Variants in OSBPL10 observed in about 807,000 individuals in gnomAD.
The protein encoded by OSBPL10 is oxysterol-binding protein-related protein 10.
In OSBPL10, 49 loss-of-function variants were observed where a neutral mutation model predicts 81.7. The ratio of observed to expected loss-of-function variants is 0.60; its 90% CI spans 0.48 to 0.76. The LOEUF is 0.76. Among genes scored for constraint, OSBPL10 ranks in the 30% least tolerant of loss-of-function variants. OSBPL10 has a pLI of 0.00. For missense variants in OSBPL10, 923 were observed against 987.8 expected, an observed-to-expected ratio of 0.93 and a Z score of 0.88; for synonymous variants, 419 against 383.6, an observed-to-expected ratio of 1.09 and a Z score of -1.08.
chr3:31,983,333 AGAG>A (rs1357432648), upstream of OSBPL10, among the ~76,000 whole-genome samples: 1 of 152,242 alleles, frequency 6.6e-6, no homozygotes, highest in Non-Finnish European at 1.5e-5. Context: ...TCCTGCTAAA[AGAG>A]GAGAAGTGTC....
chr3:32,043,944 AACTACCTATTGGGTACTATGCTC>A (rs1699599070), intron 2 of OSBPL10, among the ~76,000 whole-genome samples: 3 of 152,104 alleles, frequency 2.0e-5, no homozygotes, highest in African/African-American at 4.8e-5. Flanking sequence ...AGGGCTGAAA[AACTACCTATTGGGTACTATGCTC>A]ACTACCTATT....
intron 1 of OSBPL10, among the ~76,000 whole-genome samples, chr3:31,927,980 C>A (rs141709817): frequency 1.3e-5 from 2 of 151,826 alleles, no homozygotes; most frequent in Non-Finnish European, 2.9e-5. Flanking sequence ...AAAAAAGGCC[C>A]GAAAAGGATA....
chr3:31,791,671 T>C (rs1186662060), intron 4 of OSBPL10, among the ~76,000 whole-genome samples: 1 of 152,044 alleles, frequency 6.6e-6, no homozygotes, highest in Non-Finnish European at 1.5e-5. Flanking sequence ...AAAGCTTTAC[T>C]AAGCTGTGTA....
rs140940221 is a variant in OSBPL10 at position 31,953,334 on chromosome 3, G to T, written c.281+27565C>A. ...AGAGCCTTGCTGTGTCCAACACTCA[G>T]TTGCCACACATTATATTATTTAATA... On this transcript the variant is annotated intron_variant, in intron 1 of 11. Coordinates refer to ENST00000396556, the MANE Select transcript of OSBPL10 (RefSeq NM_017784.5). Among the ~76,000 whole-genome samples, 299 of 152,150 alleles carry T rather than the reference G, an allele frequency of 2.0e-3. 6 individuals are homozygous for T. Among genetic ancestry groups the T allele is most frequent in the African/African-American group, 6.7e-3 (279 of 41,494 alleles).
intron 1 of OSBPL10, among the ~76,000 whole-genome samples, chr3:32,053,499 T>A (rs1405850590): frequency 6.6e-6 from 1 of 152,222 alleles, no homozygotes; most frequent in Non-Finnish European, 1.5e-5. Flanking sequence ...TAATCTGCTC[T>A]TTTACAAAAA....
chr3:32,008,326 T>A (rs996289669), intron 2 of OSBPL10, among the ~76,000 whole-genome samples: 1 of 71,378 alleles, frequency 1.4e-5, no homozygotes, highest in African/African-American at 8.9e-5. Context: ...CTAATTTTTG[T>A]TTTTTTAGTA....
chr3:31,862,328 T>G (rs1277756605), intron 3 of OSBPL10, among the ~76,000 whole-genome samples: 1 of 152,078 alleles, frequency 6.6e-6, no homozygotes, highest in African/African-American at 2.4e-5. Flanking sequence ...TAAGCTCAAA[T>G]CAAACTTGGA....
chr3:31,950,159 C>T (rs1371918828), intron 1 of OSBPL10, among the ~76,000 whole-genome samples: 1 of 152,032 alleles, frequency 6.6e-6, no homozygotes, highest in Admixed American at 6.6e-5. Context: ...TCAAAAGCAT[C>T]ACAAATAAAG....
chr3:31,766,451 T>C (rs148822720), intron 4 of OSBPL10, among the ~76,000 whole-genome samples: 143 of 150,438 alleles, frequency 9.5e-4, no homozygotes, highest in Admixed American at 2.2e-3. Flanking sequence ...CAGATGATCC[T>C]CTGAGCTCAG....
intron 1 of OSBPL10, among the ~76,000 whole-genome samples, chr3:31,949,979 G>C (rs1276461347): frequency 6.6e-6 from 1 of 151,956 alleles, no homozygotes; most frequent in African/African-American, 2.4e-5. Flanking sequence ...CTGAGAGTTG[G>C]CAAAAATTTT....
At chr3:32,053,895 C>T (rs1193272979) in intron 1 of OSBPL10, among the ~76,000 whole-genome samples, 1 of 152,018 alleles carries the variant, frequency 6.6e-6, no homozygotes, top group Non-Finnish European at 1.5e-5. Flanking sequence ...ACACGGGAGG[C>T]AGACAGAGAT....
chr3:31,981,202 G>A lies in OSBPL10; in HGVS notation c.-23C>T. On this transcript the variant is annotated 5_prime_UTR_variant, in exon 1 of 12. Coordinates refer to ENST00000396556, the MANE Select transcript of OSBPL10 (RefSeq NM_017784.5). The surrounding 1 kb of genome is among the most constrained non-coding windows in gnomAD (Gnocchi z 4.5). The stretch of plus-strand genomic sequence containing the variant: ...CATGGTCCGTGGGCGCCCGGGACGC[G>A]GGTGCCCGCCGCGGTGGCGGCCCCG... The A allele has an allele frequency of 7.2e-7, 1 of 1,385,574 alleles. No homozygotes were observed. The highest frequency in any genetic ancestry group is 9.3e-7 in the Non-Finnish European group (1 of 1,076,786). The allele number at this position is 1,385,574 out of a possible 1,614,324, so 85.8% of individuals were successfully genotyped here.
At chr3:31,674,856 A>C (rs1700424916) in intron 8 of OSBPL10, among the ~76,000 whole-genome samples, 1 of 152,150 alleles carries the variant, frequency 6.6e-6, no homozygotes, top group Non-Finnish European at 1.5e-5. Flanking sequence ...GACACAACCC[A>C]TCCTCTCGAG....
At chr3:31,942,148 A>G (rs904415130) in intron 1 of OSBPL10, among the ~76,000 whole-genome samples, 1 of 152,058 alleles carries the variant, frequency 6.6e-6, no homozygotes, top group East Asian at 1.9e-4. Context: ...GACGGCAGGC[A>G]CCTGTAGTCC....
intron 6 of OSBPL10, among the ~76,000 whole-genome samples, chr3:31,724,036 CA>C (rs1428144375): frequency 6.6e-6 from 1 of 152,158 alleles, no homozygotes; most frequent in Non-Finnish European, 1.5e-5. Flanking sequence ...ATACCCCAAA[CA>C]ACAGAATACT....
chr3:31,803,282 G>A (rs1211344354), intron 4 of OSBPL10, among the ~76,000 whole-genome samples: 1 of 152,200 alleles, frequency 6.6e-6, no homozygotes, highest in Non-Finnish European at 1.5e-5. Flanking sequence ...AGCTGAAGAG[G>A]CTAAGGTCTT....
chr3:31,706,354 A>G (rs1353883945), intron 6 of OSBPL10, among the ~76,000 whole-genome samples: 1 of 152,146 alleles, frequency 6.6e-6, no homozygotes, highest in East Asian at 1.9e-4. Flanking sequence ...TTTTCTGAAG[A>G]GGGGGTCCAT....
intron 1 of OSBPL10, among the ~76,000 whole-genome samples, chr3:31,931,588 A>G (rs1292184356): frequency 6.6e-6 from 1 of 152,250 alleles, no homozygotes; most frequent in Non-Finnish European, 1.5e-5. Context: ...TTGGCATTCA[A>G]ATCCAAGCCA....
chr3:31,720,450 G>A (rs1362704107), intron 6 of OSBPL10, among the ~76,000 whole-genome samples: 1 of 152,148 alleles, frequency 6.6e-6, no homozygotes, highest in East Asian at 1.9e-4. Flanking sequence ...TTCCAATAAT[G>A]AGTCCAGCTG....
Sources: allele counts gnomAD v4.1 joint callset (sites outside exome capture counted in the v4.1 genomes callset), GRCh38; gene constraint gnomAD v4.1.1; non-coding constraint Gnocchi (gnomAD v3.1); transcripts MANE v1.5; gene names NCBI Gene and HGNC (gene_info 2026-07-23, HGNC 2026-07-21).